The following SUMF1 variants were observed in gnomAD, a reference collection of about 807,000 sequenced individuals.
The protein encoded by SUMF1 is formylglycine-generating enzyme.
In SUMF1, 48 loss-of-function variants were observed where a neutral mutation model predicts 47.6. That is an observed-to-expected ratio of 1.01 (90% CI 0.80 to 1.28). SUMF1 has a LOEUF of 1.28. Ranked by LOEUF, SUMF1 falls within the 50% of genes most tolerant of loss-of-function variation. The pLI is 0.00. For synonymous variants in SUMF1, 230 were observed against 192.1 expected (o/e 1.20, Z -1.63); for missense variants, 571 against 485.4 (o/e 1.18, Z -1.66).
intron 8 of SUMF1, among the ~76,000 whole-genome samples, chr3:4,375,068 C>T (rs962056275): frequency 7.8e-5 from 10 of 127,644 alleles, no homozygotes; most frequent in Admixed American, 3.9e-4. Flanking sequence ...CCCAGGAGGT[C>T]GGGGCTGTAG....
intron 8 of SUMF1, among the ~76,000 whole-genome samples, chr3:4,170,137 C>CT (rs1353398909): frequency 6.6e-6 from 1 of 152,090 alleles, no homozygotes; most frequent in East Asian, 1.9e-4. Context: ...TATATATTGT[C>CT]TATGGCTGTT....
chr3:4,369,207 A>T (rs977777504), intron 8 of SUMF1, among the ~76,000 whole-genome samples: 1 of 152,190 alleles, frequency 6.6e-6, no homozygotes, highest in African/African-American at 2.4e-5. Flanking sequence ...AAATGATAGC[A>T]ACCAATTTTC....
At chr3:4,119,300 A>G (rs918478583) in intron 8 of SUMF1, among the ~76,000 whole-genome samples, 3 of 152,152 alleles carry the variant, frequency 2.0e-5, no homozygotes, top group African/African-American at 7.2e-5. Flanking sequence ...TATTCCTTAT[A>G]GCCACATCTG....
Position 4,078,722 on chromosome 3 carries a change from C to G in SUMF1, c.1015-9977G>C, listed in dbSNP as rs73129118. On this transcript the variant is annotated intron_variant and NMD_transcript_variant, in intron 8 of 12. Transcript: ENST00000448413. ...AAGAATTTGAGTCCATCCTGGGCAA[C>G]ACAGTGAGACCCCCATCTCTAAAAA... 1.0e-3 allele frequency among the ~76,000 whole-genome samples: 158 copies of G among 150,992 alleles called. 4 individuals are homozygous for G. The highest frequency in any genetic ancestry group is 3.7e-3 in the African/African-American group (153 of 41,192).
At chr3:4,280,470 A>C (rs1010867981) in intron 8 of SUMF1, among the ~76,000 whole-genome samples, 1 of 151,828 alleles carries the variant, frequency 6.6e-6, no homozygotes. Flanking sequence ...AATTTTTTTT[A>C]TAAAGCCAGA....
At chr3:4,209,731 A>G (rs1695737990) in intron 8 of SUMF1, among the ~76,000 whole-genome samples, 1 of 152,162 alleles carries the variant, frequency 6.6e-6, no homozygotes, top group African/African-American at 2.4e-5. Context: ...TAACTGGAAA[A>G]TATAATTTTA....
intron 8 of SUMF1, among the ~76,000 whole-genome samples, chr3:4,344,261 G>A (rs1699329094): frequency 6.6e-6 from 1 of 152,212 alleles, no homozygotes; most frequent in Non-Finnish European, 1.5e-5. Context: ...GAGCCACACG[G>A]GGAAGGGGAA....
At chr3:4,184,333 G>A (rs1339686340) in intron 8 of SUMF1, among the ~76,000 whole-genome samples, 2 of 151,850 alleles carry the variant, frequency 1.3e-5, no homozygotes, top group Admixed American at 6.6e-5. Flanking sequence ...TTGTGCGCCT[G>A]TAATCCTAGC....
At chr3:4,144,137 T>G (rs1694140531) in intron 8 of SUMF1, among the ~76,000 whole-genome samples, 1 of 151,918 alleles carries the variant, frequency 6.6e-6, no homozygotes, top group South Asian at 2.1e-4. Context: ...GGCTAATTTT[T>G]TTATTTTTTC....
chr3:4,246,415 TGTTTTTGACAGA>T (rs1435846056), intron 8 of SUMF1, among the ~76,000 whole-genome samples: 1 of 152,040 alleles, frequency 6.6e-6, no homozygotes, highest in East Asian at 1.9e-4. Context: ...TTTTTGTTTT[TGTTTTTGACAGA>T]GTCTCACTCT....
chr3:4,205,362 C>T (rs1695628208), intron 8 of SUMF1, among the ~76,000 whole-genome samples: 1 of 152,158 alleles, frequency 6.6e-6, no homozygotes, highest in South Asian at 2.1e-4. Flanking sequence ...TGGACTCAGC[C>T]CGCCTGCACC....
intron 9 of SUMF1, among the ~76,000 whole-genome samples, chr3:4,054,904 GA>G (rs1695165948): frequency 6.6e-6 from 1 of 152,132 alleles, no homozygotes; most frequent in Admixed American, 6.6e-5. Context: ...TTACAATGAA[GA>G]AAATTGAGAC....
intron 8 of SUMF1, among the ~76,000 whole-genome samples, chr3:4,295,375 T>C (rs143534758): frequency 0.012 from 1,883 of 151,888 alleles, 37 homozygotes; most frequent in African/African-American, 0.042. Flanking sequence ...TTTGGTAGAT[T>C]GCTCTAAAAT....
rs552107566 is a variant in SUMF1 at position 4,412,585 on chromosome 3, G to A, written c.841-1607C>T. On this transcript the variant is annotated intron_variant, in intron 6 of 8. Coordinates refer to ENST00000272902, the MANE Select transcript of SUMF1 (RefSeq NM_182760.4). ...GGAAAGGAGCCAGAGGAGCAAGTGC[G>A]GTTAAAAGATGAAACAGGCCAGGTG... Among the ~76,000 whole-genome samples, 59 of 152,238 alleles carry A rather than the reference G, an allele frequency of 3.9e-4. 1 individual carries two copies. Among genetic ancestry groups the A allele is most frequent in the African/African-American group, 1.4e-3 (57 of 41,554 alleles).
rs181155112 is a variant in SUMF1 at position 4,379,957 on chromosome 3, A to T, written c.955-3568T>A. ...TATCTCCATTCCCATTTGTGAAAGAAAACATTAATAAATCAAAATTAACAG... is the reference window on the plus strand; with the variant it reads ...TATCTCCATTCCCATTTGTGAAAGATAACATTAATAAATCAAAATTAACAG... On this transcript the variant is annotated intron_variant, in intron 7 of 8. Coordinates refer to ENST00000272902, the MANE Select transcript of SUMF1 (RefSeq NM_182760.4). 1.4e-4 allele frequency among the ~76,000 whole-genome samples: 22 copies of T among 152,146 alleles called. 1 individual carries two copies. In the East Asian group the frequency reaches 2.5e-3, roughly 17 times the overall value.
At chr3:4,415,893 A>G (rs1049829743) in intron 6 of SUMF1, among the ~76,000 whole-genome samples, 2 of 152,208 alleles carry the variant, frequency 1.3e-5, no homozygotes, top group African/African-American at 4.8e-5. Flanking sequence ...GCCTTCTGCC[A>G]GGGGAGGACA....
intron 8 of SUMF1, among the ~76,000 whole-genome samples, chr3:4,374,753 T>C (rs1162089736): frequency 6.6e-6 from 1 of 152,206 alleles, no homozygotes; most frequent in African/African-American, 2.4e-5. Context: ...TCCAGGTACA[T>C]TTGTAGCAAT....
intron 8 of SUMF1, among the ~76,000 whole-genome samples, chr3:4,228,863 C>T (rs2124980221): frequency 6.6e-6 from 1 of 152,206 alleles, no homozygotes; most frequent in East Asian, 1.9e-4. Context: ...CCCCTCCATC[C>T]TTTGTCTCAT....
chr3:4,085,862 C>A (rs1342684936), intron 8 of SUMF1, among the ~76,000 whole-genome samples: 2 of 149,010 alleles, frequency 1.3e-5, no homozygotes, highest in Non-Finnish European at 1.5e-5. Flanking sequence ...ATAGACAATA[C>A]TCCCATGATT....
Sources: allele counts gnomAD v4.1 joint callset (sites outside exome capture counted in the v4.1 genomes callset), GRCh38; gene constraint gnomAD v4.1.1; transcripts MANE v1.5; gene names NCBI Gene and HGNC (gene_info 2026-07-23, HGNC 2026-07-21).